The following FN1 variants were observed in gnomAD, a reference collection of about 807,000 sequenced individuals.
FN1 encodes the protein fibronectin.
In FN1, 106 loss-of-function variants were observed where a neutral mutation model predicts 297.3. The ratio of observed to expected loss-of-function variants is 0.36; its 90% CI spans 0.30 to 0.42. The LOEUF is 0.42. Ranked by LOEUF, FN1 falls within the 10% of genes least tolerant of loss-of-function variation. The pLI is 1.00. For missense variants in FN1, 2,690 were observed against 3,124.9 expected, an observed-to-expected ratio of 0.86 and a Z score of 3.32; for synonymous variants, 1,149 against 1,152.6, an observed-to-expected ratio of 1.00 and a Z score of 0.06.
chr2:215,416,146 A>G (rs181103743), intron 12 of FN1, among the ~76,000 whole-genome samples: 47 of 152,310 alleles, frequency 3.1e-4, no homozygotes, highest in Middle Eastern at 3.4e-3. Context: ...GAAAAAATAT[A>G]TAACTTGGAT....
At chr2:215,370,750 C>T (rs975196414) in intron 40 of FN1, among the ~76,000 whole-genome samples, 2 of 152,050 alleles carry the variant, frequency 1.3e-5, no homozygotes, top group African/African-American at 4.8e-5. Flanking sequence ...CTGCATAAGC[C>T]CTCTGGAAGC....
In FN1 at chr2:215,435,952, CG is replaced by C; in HGVS notation, c.-151del. On this transcript the variant is annotated 5_prime_UTR_variant, in exon 1 of 46. Transcript: ENST00000354785. ...GGGGGCCAGAGGGTGGGGAAGGGGACGGGTGGAGGGACAGAAGGGATGCAGA... is the reference window on the plus strand; with the variant it reads ...GGGGGCCAGAGGGTGGGGAAGGGGACGGTGGAGGGACAGAAGGGATGCAGA... 7.0e-7 allele frequency: 1 copy of C among 1,427,554 alleles called. No homozygotes were observed. Among genetic ancestry groups the C allele is most frequent in the East Asian group, 2.5e-5 (1 of 39,826 alleles). 88.4% of individuals were successfully genotyped at this position (1,427,554 alleles called of 1,614,324 possible).
At position 215,362,087 on chromosome 2, in the gene FN1, A is replaced by G; in HGVS notation, c.7252-8T>C. ...GTTGTCACAGCGCCAGCCCTGAGAG[A>G]GTAGAGGCATGAAGTCAAATGGGGT... On this transcript the variant is annotated splice_polypyrimidine_tract_variant and splice_region_variant and intron_variant, in intron 44 of 45. Coordinates refer to ENST00000354785, the MANE Select transcript of FN1 (RefSeq NM_212482.4). The G allele has an allele frequency of 6.2e-7, 1 of 1,608,646 alleles. No individual in the cohort carries two copies. The highest frequency in any genetic ancestry group is 1.3e-5 in the African/African-American group (1 of 74,952).
intron 11 of FN1, 102 bp downstream of exon 11, chr2:215,420,571 T>C: frequency 3.4e-6 from 5 of 1,461,604 alleles, no homozygotes; most frequent in Non-Finnish European, 4.8e-6. Context: ...GATCAAAGTC[T>C]GGAGCCAACT....
At chr2:215,410,241 A>G in intron 13 of FN1, 127 bp from the exon 14 acceptor site, 2 of 921,864 alleles carry the variant, frequency 2.2e-6, no homozygotes, top group Non-Finnish European at 3.4e-6. Context: ...TCCATTCTAG[A>G]GGAAAATCAT....
intron 26 of FN1, among the ~76,000 whole-genome samples, chr2:215,389,639 A>T (rs999429958): frequency 4.0e-5 from 6 of 151,242 alleles, no homozygotes; most frequent in African/African-American, 1.5e-4. Context: ...AATACAAAAA[A>T]ATTAGCTGGG....
Position 215,374,606 on chromosome 2 carries a change from C to T in FN1, c.6157+608G>A, listed in dbSNP as rs140935929. Among the ~76,000 whole-genome samples, 49 of 152,290 alleles carry T rather than the reference C, an allele frequency of 3.2e-4. No individual in the cohort carries two copies. The East Asian group carries it at 7.3e-3, about 23-fold the overall frequency. On this transcript the variant is annotated intron_variant, in intron 38 of 45. Coordinates refer to ENST00000354785, the MANE Select transcript of FN1 (RefSeq NM_212482.4). ...ATTTTCTGAGGCCTCCCCAGCCATG[C>T]GGAACTGTGAGTCAATTAAACCTCT...
intron 1 of FN1, 113 bp from the exon 2 acceptor site, chr2:215,434,937 A>G: frequency 8.4e-7 from 1 of 1,193,848 alleles, no homozygotes; most frequent in South Asian, 1.3e-5. Flanking sequence ...AACTTTGCTA[A>G]AAGTTATATA....
At chr2:215,404,312 T>G (rs1224106253) in intron 20 of FN1, 77 bp downstream of exon 20, 59 of 1,333,782 alleles carry the variant, frequency 4.4e-5, no homozygotes, top group African/African-American at 1.1e-4. Flanking sequence ...TTTTTTGTTT[T>G]GTTTTGTTTT....
chr2:215,407,336 G>A lies in FN1; in HGVS notation c.2519-15C>T, dbSNP rs1163619686. On this transcript the variant is annotated splice_polypyrimidine_tract_variant and intron_variant, in intron 17 of 45. Transcript: ENST00000354785. ...TATTCTGTACCCTGCAGATTCATGA[G>A]CAAAAGTAAGATGCACTGTTTTCTT... The A allele has an allele frequency of 6.2e-7, 1 of 1,607,554 alleles. No individual in the cohort carries two copies. Among genetic ancestry groups the A allele is most frequent in the Non-Finnish European group, 8.5e-7 (1 of 1,174,192 alleles).
chr2:215,403,941 G>A (rs527863015), intron 20 of FN1, among the ~76,000 whole-genome samples: 1 of 152,332 alleles, frequency 6.6e-6, no homozygotes, highest in East Asian at 1.9e-4. Flanking sequence ...GTAATAGAAT[G>A]TAGACATAGG....
intron 7 of FN1, 137 bp downstream of exon 7, chr2:215,424,957 C>T: frequency 1.2e-6 from 1 of 810,320 alleles, no homozygotes; most frequent in Admixed American, 1.9e-5. Context: ...TTTCAAATGC[C>T]AACCCTAATT....
At chr2:215,409,485 C>A (rs1232084882) in intron 15 of FN1, 78 bp downstream of exon 15, 26 of 1,403,744 alleles carry the variant, frequency 1.9e-5, no homozygotes, top group Non-Finnish European at 2.5e-5. Context: ...TACCACCTGC[C>A]TAGAGGCCAC....
intron 5 of FN1, among the ~76,000 whole-genome samples, chr2:215,428,874 C>T (rs1046346993): frequency 6.6e-6 from 1 of 151,890 alleles, no homozygotes; most frequent in African/African-American, 2.4e-5. Flanking sequence ...AATTAGCCGG[C>T]TGTGGTGGCG....
intron 16 of FN1, 47 bp downstream of exon 16, chr2:215,408,251 T>C (rs965743377): frequency 1.2e-6 from 2 of 1,613,880 alleles, no homozygotes; most frequent in Non-Finnish European, 8.5e-7. Flanking sequence ...TACAGGCCTG[T>C]GTTTTACAGA....
intron 26 of FN1, among the ~76,000 whole-genome samples, chr2:215,388,677 C>T (rs2059334304): frequency 6.6e-6 from 1 of 152,222 alleles, no homozygotes; most frequent in Non-Finnish European, 1.5e-5. Context: ...TTATGCCTCA[C>T]AACAACCCTG....
intron 26 of FN1, among the ~76,000 whole-genome samples, chr2:215,388,545 G>T (rs1356269013): frequency 6.6e-6 from 1 of 152,180 alleles, no homozygotes; most frequent in African/African-American, 2.4e-5. Flanking sequence ...CTGTGAGTGT[G>T]ACTCAGCTGG....
rs2063562592 is a variant in FN1, at chr2:215,417,275, A to T, written c.1819+1967T>A. On this transcript the variant is annotated intron_variant, in intron 12 of 45. Coordinates refer to ENST00000354785, the MANE Select transcript of FN1 (RefSeq NM_212482.4). ...CTCCCTCTCTTATTCAATATGAATA[A>T]ACTAACAATAAAATAGTTGAGATGA... Among the ~76,000 whole-genome samples, 3 of 152,332 alleles carry T rather than the reference A, an allele frequency of 2.0e-5. No individual in the cohort carries two copies. In the South Asian group the frequency reaches 6.2e-4, roughly 32 times the overall value.
At chr2:215,434,990 G>C (rs138157533) in intron 1 of FN1, among the ~76,000 whole-genome samples, 166 bp from the exon 2 acceptor site, 2 of 152,138 alleles carry the variant, frequency 1.3e-5, no homozygotes, top group Non-Finnish European at 2.9e-5. Flanking sequence ...ACATAAAAAA[G>C]TTGGAAACAT....
Sources: allele counts gnomAD v4.1 joint callset (sites outside exome capture counted in the v4.1 genomes callset), GRCh38; gene constraint gnomAD v4.1.1; transcripts MANE v1.5; gene names NCBI Gene and HGNC (gene_info 2026-07-23, HGNC 2026-07-21).